The following NR2F1-AS1 variants were observed in gnomAD, a reference collection of about 807,000 sequenced individuals.
NR2F1-AS1 encodes the protein NR2F1 regulatory antisense RNA 1.
At chr5:93,567,316 A>G (rs1172254846) in intron 1 of NR2F1-AS1, among the ~76,000 whole-genome samples, 1 of 152,156 alleles carries the variant, frequency 6.6e-6, no homozygotes, top group Non-Finnish European at 1.5e-5. Context: ...AGATCTATTA[A>G]TATGATATGT....
At chr5:93,425,860 C>T (rs1482844570) in intron 4 of NR2F1-AS1, among the ~76,000 whole-genome samples, 1 of 151,994 alleles carries the variant, frequency 6.6e-6, no homozygotes, top group Non-Finnish European at 1.5e-5. Flanking sequence ...TGTCTTTGTA[C>T]CACCAGCATC....
intron 4 of NR2F1-AS1, among the ~76,000 whole-genome samples, chr5:93,504,215 T>C (rs1182157376): frequency 6.6e-6 from 1 of 152,228 alleles, no homozygotes; most frequent in Non-Finnish European, 1.5e-5. Flanking sequence ...AGATCATTGT[T>C]GTATAAGTCC....
At position 93,446,128 on chromosome 5, in the gene NR2F1-AS1, G is replaced by T. The variant is rs535586516; in HGVS notation, n.639-50586C>A. ...GGGAAAAAACTGGAAGCATTCCCTT[G>T]GAAAACTGGCATAAGACAGGGATGC... On this transcript the variant is annotated intron_variant and non_coding_transcript_variant, in intron 4 of 5. Transcript: ENST00000660523. Among the ~76,000 whole-genome samples the T allele has an allele frequency of 1.7e-4, 26 of 152,132 alleles. No individual in the cohort carries two copies. In the South Asian group the frequency reaches 5.4e-3, roughly 32 times the overall value.
intron 4 of NR2F1-AS1, among the ~76,000 whole-genome samples, chr5:93,530,075 CT>C (rs1227046832): frequency 0.07 from 6,892 of 97,932 alleles, 40 homozygotes; most frequent in Middle Eastern, 0.13. Context: ...AATTTGAAGG[CT>C]TTTTTTTTTT....
intron 4 of NR2F1-AS1, among the ~76,000 whole-genome samples, chr5:93,519,058 A>G (rs1285067620): frequency 1.3e-5 from 2 of 152,116 alleles, no homozygotes; most frequent in African/African-American, 2.4e-5. Context: ...AAAAATTTGC[A>G]TATGGTCAAA....
chr5:93,467,128 T>C (rs1232267764), intron 4 of NR2F1-AS1, among the ~76,000 whole-genome samples: 1 of 152,064 alleles, frequency 6.6e-6, no homozygotes, highest in Non-Finnish European at 1.5e-5. Flanking sequence ...TCTTGAACTC[T>C]TGACCTCAAG....
intron 4 of NR2F1-AS1, among the ~76,000 whole-genome samples, chr5:93,442,798 G>T (rs1028006052): frequency 2.6e-5 from 4 of 152,196 alleles, no homozygotes; most frequent in African/African-American, 9.6e-5. Context: ...CCCAGTAGGG[G>T]CCGACTGACA....
chr5:93,444,535 C>T (rs1241246896), intron 4 of NR2F1-AS1, among the ~76,000 whole-genome samples: 12 of 152,090 alleles, frequency 7.9e-5, no homozygotes, highest in Admixed American at 7.9e-4. Flanking sequence ...CAGAGGAGCA[C>T]CCAGATTCAT....
At chr5:93,486,241 T>C (rs1404483714) in intron 4 of NR2F1-AS1, among the ~76,000 whole-genome samples, 1 of 151,132 alleles carries the variant, frequency 6.6e-6, no homozygotes, top group African/African-American at 2.4e-5. Context: ...TGTGCACATG[T>C]ACCCTAAAAC....
At chr5:93,577,167 T>C (rs1482390107) in intron 1 of NR2F1-AS1, among the ~76,000 whole-genome samples, 1 of 152,274 alleles carries the variant, frequency 6.6e-6, no homozygotes, top group Non-Finnish European at 1.5e-5. Context: ...CTGCTTCTCC[T>C]GGGCCCTCTA....
intron 4 of NR2F1-AS1, among the ~76,000 whole-genome samples, chr5:93,476,718 C>T (rs184518659): frequency 2.6e-5 from 4 of 152,186 alleles, no homozygotes; most frequent in Admixed American, 1.3e-4. Context: ...TTACTTCACA[C>T]GAGCACAGCA....
intron 4 of NR2F1-AS1, among the ~76,000 whole-genome samples, chr5:93,432,940 A>T (rs1749355938): frequency 6.6e-6 from 1 of 152,190 alleles, no homozygotes; most frequent in Non-Finnish European, 1.5e-5. Context: ...TTATTTTCCA[A>T]ATAGCCAAGA....
At chr5:93,575,594 A>C (rs1580348294) in intron 1 of NR2F1-AS1, among the ~76,000 whole-genome samples, 1 of 151,984 alleles carries the variant, frequency 6.6e-6, no homozygotes, top group African/African-American at 2.4e-5. Context: ...TTGCCCCATT[A>C]CCTCCCACCT....
intron 4 of NR2F1-AS1, chr5:93,553,726 A>G (rs1752284568): frequency 6.6e-6 from 1 of 152,180 alleles, no homozygotes; most frequent in Non-Finnish European, 1.5e-5. Context: ...TAACATTAAC[A>G]TGATCCTTCA....
At chr5:93,496,032 A>T (rs1324863490) in intron 4 of NR2F1-AS1, 1 of 152,182 alleles carries the variant, frequency 6.6e-6, no homozygotes, top group Non-Finnish European at 1.5e-5. Flanking sequence ...CTATGATGTA[A>T]TATTAGAAGG....
intron 4 of NR2F1-AS1, among the ~76,000 whole-genome samples, chr5:93,487,573 A>G (rs866061906): frequency 2.0e-5 from 3 of 152,218 alleles, no homozygotes; most frequent in Non-Finnish European, 2.9e-5. Context: ...ACTACAAACC[A>G]CTGCTCAAGG....
At chr5:93,481,143 TATA>T (rs1438715782) in intron 4 of NR2F1-AS1, among the ~76,000 whole-genome samples, 2 of 151,864 alleles carry the variant, frequency 1.3e-5, no homozygotes. Context: ...GACCCAAAGA[TATA>T]ATAAGTTAAC....
At chr5:93,529,779 T>C (rs1323259693) in intron 4 of NR2F1-AS1, among the ~76,000 whole-genome samples, 3 of 152,148 alleles carry the variant, frequency 2.0e-5, no homozygotes, top group Non-Finnish European at 4.4e-5. Context: ...GGAAACGCTA[T>C]TTTCTGTAAC....
At chr5:93,567,740 A>G (rs1752650417) in intron 1 of NR2F1-AS1, among the ~76,000 whole-genome samples, 1 of 152,216 alleles carries the variant, frequency 6.6e-6, no homozygotes, top group African/African-American at 2.4e-5. Context: ...GTTTATTTAA[A>G]GAGGATAGAT....
Sources: allele counts gnomAD v4.1 joint callset (sites outside exome capture counted in the v4.1 genomes callset), GRCh38; gene constraint gnomAD v4.1.1; transcripts MANE v1.5; gene names NCBI Gene and HGNC (gene_info 2026-07-23, HGNC 2026-07-21).